Variants in VWA5B1 observed in about 807,000 individuals in gnomAD.
VWA5B1 encodes the protein von Willebrand factor A domain containing 5B1, also known as von Willebrand factor A domain-containing protein 5B1.
Under a neutral mutation model 118.2 loss-of-function variants are expected in VWA5B1, and 115 were observed. The ratio of observed to expected loss-of-function variants is 0.97; its 90% CI spans 0.84 to 1.14. VWA5B1 has a LOEUF of 1.14. Among genes scored for constraint, VWA5B1 ranks in the 50% most tolerant of loss-of-function variants. The pLI, the probability that VWA5B1 is intolerant of heterozygous loss-of-function variation, is 0.00. For synonymous variants in VWA5B1, 682 were observed against 658.4 expected, an observed-to-expected ratio of 1.04 and a Z score of -0.55; for missense variants, 1,596 against 1,603.8, an observed-to-expected ratio of 1.00 and a Z score of 0.08.
chr1:20,296,405 A>G (rs2088407939), intron 1 of VWA5B1, among the ~76,000 whole-genome samples: 1 of 152,222 alleles, frequency 6.6e-6, no homozygotes, highest in Admixed American at 6.5e-5. Flanking sequence ...AGTGAGGCCA[A>G]TAAAAGAGGA....
At chr1:20,335,388 A>G (rs1172875729) in intron 12 of VWA5B1, among the ~76,000 whole-genome samples, 2 of 152,204 alleles carry the variant, frequency 1.3e-5, no homozygotes, top group Non-Finnish European at 2.9e-5. Flanking sequence ...CAAGATACTG[A>G]TAAGTGTGAG....
intron 9 of VWA5B1, among the ~76,000 whole-genome samples, chr1:20,328,389 G>A (rs1461363923): frequency 6.6e-6 from 1 of 152,134 alleles, no homozygotes; most frequent in Admixed American, 6.5e-5. Flanking sequence ...AGGAGTAGGG[G>A]AGTGAATAGG....
At chr1:20,349,233 C>A in intron 18 of VWA5B1, 1 of 443,716 alleles carries the variant, frequency 2.3e-6, no homozygotes, top group Non-Finnish European at 4.6e-6. Context: ...CATTGGCCTC[C>A]AAAACCCAGG....
chr1:20,334,183 G>A (rs567444656), intron 12 of VWA5B1, among the ~76,000 whole-genome samples: 2 of 152,304 alleles, frequency 1.3e-5, no homozygotes, highest in South Asian at 4.1e-4. Flanking sequence ...ATTTTTTAAT[G>A]TTATGAAATG....
chr1:20,301,666 C>A (rs565046423), intron 1 of VWA5B1, among the ~76,000 whole-genome samples: 2 of 152,196 alleles, frequency 1.3e-5, no homozygotes, highest in Non-Finnish European at 2.9e-5. Context: ...CCTCAGCACA[C>A]GGGAAGCGGT....
chr1:20,349,658 A>G (rs1460461394), intron 18 of VWA5B1, among the ~76,000 whole-genome samples: 1 of 151,252 alleles, frequency 6.6e-6, no homozygotes, highest in Admixed American at 6.6e-5. Flanking sequence ...CTGGGATCAC[A>G]GGCATAAGCC....
chr1:20,345,694 CG>C, intron 17 of VWA5B1, 101 bp downstream of exon 17: 6 of 1,419,380 alleles, frequency 4.2e-6, no homozygotes, highest in Non-Finnish European at 5.6e-6. Context: ...CAGCAGGGAG[CG>C]GGGTGAGACA....
intron 1 of VWA5B1, among the ~76,000 whole-genome samples, chr1:20,308,720 G>C (rs113870163): frequency 2.0e-5 from 3 of 152,170 alleles, no homozygotes; most frequent in African/African-American, 4.8e-5. Flanking sequence ...GCCCAGAGCT[G>C]TCTGGGCCTG....
At chr1:20,351,478 C>T (rs944240589) in intron 20 of VWA5B1, among the ~76,000 whole-genome samples, 1 of 152,014 alleles carries the variant, frequency 6.6e-6, no homozygotes, top group Non-Finnish European at 1.5e-5. Context: ...ATGGTGAAAC[C>T]CTGTCTCTAC....
At chr1:20,302,004 A>G (rs1192497458) in intron 1 of VWA5B1, among the ~76,000 whole-genome samples, 1 of 152,158 alleles carries the variant, frequency 6.6e-6, no homozygotes, top group Non-Finnish European at 1.5e-5. Context: ...CGCTTAGCCC[A>G]GATAGATGGC....
chr1:20,330,476 G>T, intron 10 of VWA5B1, 94 bp downstream of exon 10: 2 of 1,424,908 alleles, frequency 1.4e-6, no homozygotes, highest in Non-Finnish European at 1.9e-6. Flanking sequence ...GCCAGAGGGA[G>T]AGGATAGGAC....
At position 20,343,153 on chromosome 1, in the gene VWA5B1, C is replaced by G; in HGVS notation, c.2386C>G (p.Arg796Gly). ...DWDPPAESQE[R>G]ASPSRPATPA... Reference sequence around the variant, plus strand: ...GGACCCCCCAGCCGAGTCCCAGGAGCGAGCCAGTCCCAGCAGGCCCGCCAC... The same window carrying G: ...GGACCCCCCAGCCGAGTCCCAGGAGGGAGCCAGTCCCAGCAGGCCCGCCAC... The change falls in exon 16 of 22, where the codon CGA becomes GGA. Residue 796 changes from arginine (R) to glycine (G), a missense_variant. Transcript: ENST00000289815. The G allele has an allele frequency of 1.3e-6, 2 of 1,547,678 alleles. No individual in the cohort carries two copies. The highest frequency in any genetic ancestry group is 1.7e-6 in the Non-Finnish European group (2 of 1,145,238).
chr1:20,304,947 C>A (rs1176553344), intron 1 of VWA5B1, among the ~76,000 whole-genome samples: 1 of 151,824 alleles, frequency 6.6e-6, no homozygotes, highest in Non-Finnish European at 1.5e-5. Context: ...ATATGTAAAG[C>A]ACTCAGTGGT....
At chr1:20,300,646 G>T (rs1355595742) in intron 1 of VWA5B1, among the ~76,000 whole-genome samples, 1 of 152,218 alleles carries the variant, frequency 6.6e-6, no homozygotes, top group Non-Finnish European at 1.5e-5. Flanking sequence ...TTGCCTTCTT[G>T]ATAGGATTGT....
chr1:20,343,524 C>A, intron 16 of VWA5B1, 131 bp downstream of exon 16: 1 of 1,400,868 alleles, frequency 7.1e-7, no homozygotes, highest in East Asian at 2.6e-5. Context: ...ACCTGCTTCC[C>A]GGGTCCTACC....
chr1:20,291,387 T>TCTCTCTCTC (rs57894456), intron 1 of VWA5B1, among the ~76,000 whole-genome samples: 4,262 of 113,994 alleles, frequency 0.037, 185 homozygotes, highest in Non-Finnish European at 0.044. Flanking sequence ...CTCTCTCTCT[T>TCTCTCTCTC]TCTGTCTCCT....
At chr1:20,296,242 A>G (rs1475002293) in intron 1 of VWA5B1, among the ~76,000 whole-genome samples, 2 of 152,158 alleles carry the variant, frequency 1.3e-5, no homozygotes, top group East Asian at 1.9e-4. Flanking sequence ...TCCCTGAATA[A>G]ATGTCTGTTC....
Position 20,311,042 on chromosome 1 carries a change from G to A in VWA5B1, c.139+302G>A, listed in dbSNP as rs146826993. Among the ~76,000 whole-genome samples the A allele has an allele frequency of 3.3e-3, 508 of 152,242 alleles. 1 individual carries two copies. The highest frequency in any genetic ancestry group is 0.012 in the African/African-American group (488 of 41,536). On this transcript the variant is annotated intron_variant, in intron 2 of 21. Coordinates refer to ENST00000289815, the MANE Select transcript of VWA5B1 (RefSeq NM_001039500.3). The stretch of plus-strand genomic sequence containing the variant: ...GGCTTGAATGCAGTGGTGCGATCAC[G>A]GCTCACTGCAGCCTCCACCTCCCGG...
intron 1 of VWA5B1, 23 bp from the exon 2 acceptor site, chr1:20,310,553 C>G: frequency 6.8e-7 from 1 of 1,467,116 alleles, no homozygotes; most frequent in Non-Finnish European, 9.0e-7. Flanking sequence ...CTTCCCACTT[C>G]CTGCCCTTCC....
Sources: gnomAD v4.1 joint callset for allele counts (sites outside exome capture counted in the v4.1 genomes callset) on GRCh38, gnomAD v4.1.1 for gene constraint, MANE v1.5 for transcripts, NCBI Gene and HGNC (gene_info 2026-07-23, HGNC 2026-07-21) for gene names.